The following VAV3 variants were observed in gnomAD, a reference collection of about 807,000 sequenced individuals.
VAV3 encodes the protein vav guanine nucleotide exchange factor 3.
Under a neutral mutation model 131.2 loss-of-function variants are expected in VAV3, and 94 were observed. The observed-to-expected ratio is 0.72, with a 90% confidence interval of 0.61 to 0.85. The LOEUF is 0.85. Ranked by LOEUF, VAV3 falls within the 40% of genes least tolerant of loss-of-function variation. VAV3 has a pLI of 0.00. For synonymous variants in VAV3, 349 were observed against 342.0 expected, an observed-to-expected ratio of 1.02 and a Z score of -0.22; for missense variants, 939 against 1,002.7, an observed-to-expected ratio of 0.94 and a Z score of 0.86.
chr1:107,838,318 A>G (rs536748501), intron 2 of VAV3, among the ~76,000 whole-genome samples: 14 of 152,348 alleles, frequency 9.2e-5, no homozygotes, highest in Admixed American at 2.6e-4. Context: ...CCCTTCTCAA[A>G]AGAGAACACA....
intron 19 of VAV3, among the ~76,000 whole-genome samples, chr1:107,661,537 T>C (rs1657014352): frequency 1.3e-5 from 2 of 152,198 alleles, no homozygotes; most frequent in African/African-American, 2.4e-5. Context: ...TCTCCCCACT[T>C]GAATATAAGC....
intron 1 of VAV3, among the ~76,000 whole-genome samples, chr1:107,891,838 C>CAAAAAAA (rs35693360): frequency 3.2e-4 from 9 of 27,926 alleles, no homozygotes; most frequent in African/African-American, 9.4e-4. Flanking sequence ...GACTCCGTCT[C>CAAAAAAA]AAAAAAAAAA....
Position 107,751,215 on chromosome 1 carries a change from A to G in VAV3, c.1174-13T>C, listed in dbSNP as rs1663702160. 1 of 1,600,480 alleles carries G rather than the reference A, an allele frequency of 6.2e-7. No individual in the cohort carries two copies. Among genetic ancestry groups the G allele is most frequent in the South Asian group, 1.1e-5 (1 of 88,838 alleles). On this transcript the variant is annotated splice_polypyrimidine_tract_variant and intron_variant, in intron 12 of 26. Coordinates refer to ENST00000370056, the MANE Select transcript of VAV3 (RefSeq NM_006113.5). ...AAACTGGTTGGTTCTAAAATATAAA[A>G]TGCACATGTCAGAGTTTTTCATAAT...
intron 1 of VAV3, among the ~76,000 whole-genome samples, chr1:107,943,896 T>C (rs1413752072): frequency 1.3e-5 from 2 of 151,804 alleles, no homozygotes; most frequent in Non-Finnish European, 2.9e-5. Context: ...GCAACACGAG[T>C]CCAAGCTGTG....
At chr1:107,961,457 A>G (rs1021464337) in intron 1 of VAV3, among the ~76,000 whole-genome samples, 7 of 152,178 alleles carry the variant, frequency 4.6e-5, no homozygotes, top group African/African-American at 1.7e-4. Context: ...TGTCCTGGCT[A>G]GAATACTGTT....
chr1:107,897,245 A>G (rs1217844716), intron 1 of VAV3: 1 of 151,066 alleles, frequency 6.6e-6, no homozygotes, highest in African/African-American at 2.4e-5. Flanking sequence ...ACTACTACAT[A>G]CATATGCCTA....
chr1:107,670,313 G>C (rs1032855770), intron 19 of VAV3, among the ~76,000 whole-genome samples: 1 of 152,158 alleles, frequency 6.6e-6, no homozygotes, highest in African/African-American at 2.4e-5. Flanking sequence ...ACAAAGCCAA[G>C]AATCTGGATC....
chr1:107,695,575 A>G, intron 17 of VAV3, among the ~76,000 whole-genome samples: 1 of 152,158 alleles, frequency 6.6e-6, no homozygotes, highest in East Asian at 1.9e-4. Context: ...GATTTTAGTC[A>G]TGAGACATTT....
chr1:107,591,993 T>C (rs1398509665), intron 25 of VAV3, among the ~76,000 whole-genome samples: 1 of 152,092 alleles, frequency 6.6e-6, no homozygotes, highest in Admixed American at 6.6e-5. Context: ...GCAACATATA[T>C]ACACACATAT....
chr1:107,687,968 A>G (rs1361589060), intron 18 of VAV3, among the ~76,000 whole-genome samples: 1 of 152,206 alleles, frequency 6.6e-6, no homozygotes, highest in African/African-American at 2.4e-5. Context: ...TACTAGAAAC[A>G]TGGAACCATA....
chr1:107,686,795 A>G (rs1659059917), intron 18 of VAV3, among the ~76,000 whole-genome samples: 1 of 152,240 alleles, frequency 6.6e-6, no homozygotes, highest in African/African-American at 2.4e-5. Flanking sequence ...AAAAAGTATA[A>G]AAGTGCCTGT....
At chr1:107,926,995 C>G (rs934748173) in intron 1 of VAV3, among the ~76,000 whole-genome samples, 2 of 152,180 alleles carry the variant, frequency 1.3e-5, no homozygotes, top group African/African-American at 4.8e-5. Flanking sequence ...TACCACACCC[C>G]TCCCCTAACC....
chr1:107,745,375 A>C (rs1168510015), intron 15 of VAV3, among the ~76,000 whole-genome samples: 1 of 151,382 alleles, frequency 6.6e-6, no homozygotes, highest in Non-Finnish European at 1.5e-5. Flanking sequence ...TCCTGCTACC[A>C]CTTATCACAA....
chr1:107,663,720 A>T (rs1657207536), intron 19 of VAV3, among the ~76,000 whole-genome samples: 1 of 152,198 alleles, frequency 6.6e-6, no homozygotes, highest in Non-Finnish European at 1.5e-5. Flanking sequence ...ATTCCCCTTT[A>T]TAATTTCAGC....
At chr1:107,962,120 C>T (rs974711924) in intron 1 of VAV3, among the ~76,000 whole-genome samples, 1 of 152,014 alleles carries the variant, frequency 6.6e-6, no homozygotes, top group Non-Finnish European at 1.5e-5. Context: ...AGATCATGTG[C>T]TATAAAAAAT....
At position 107,929,317 on chromosome 1, in the gene VAV3, A is replaced by G. The variant is rs145249945; in HGVS notation, c.204+35349T>C. Among the ~76,000 whole-genome samples, 33 of 150,342 alleles carry G rather than the reference A, an allele frequency of 2.2e-4. 1 individual carries two copies. The East Asian group carries it at 4.7e-3, about 21-fold the overall frequency. ...AAAAAAAAAAAAAAAATTATGCCCT[A>G]GAACAGTATATTCAGTGAAAATATC... On this transcript the variant is annotated intron_variant, in intron 1 of 26. Transcript: ENST00000370056.
chr1:107,625,026 CT>C (rs1277912409), intron 20 of VAV3, among the ~76,000 whole-genome samples: 1 of 152,044 alleles, frequency 6.6e-6, no homozygotes, highest in Non-Finnish European at 1.5e-5. Flanking sequence ...TTTTGGCCTT[CT>C]GATCTTGAAT....
At chr1:107,906,148 A>G (rs1164844845) in intron 1 of VAV3, among the ~76,000 whole-genome samples, 1 of 152,230 alleles carries the variant, frequency 6.6e-6, no homozygotes, top group Non-Finnish European at 1.5e-5. Context: ...TGAGCCCCCA[A>G]GGAGGAGATC....
At chr1:107,750,836 GT>G (rs1220959929) in intron 13 of VAV3, among the ~76,000 whole-genome samples, 1 of 152,112 alleles carries the variant, frequency 6.6e-6, no homozygotes, top group Non-Finnish European at 1.5e-5. Context: ...GTAGTTATCT[GT>G]TCTTACTTTA....
Sources: gnomAD v4.1 joint callset for allele counts (sites outside exome capture counted in the v4.1 genomes callset) on GRCh38, gnomAD v4.1.1 for gene constraint, MANE v1.5 for transcripts, NCBI Gene and HGNC (gene_info 2026-07-23, HGNC 2026-07-21) for gene names.